The following ZNF723 variants were observed in gnomAD, a reference collection of about 807,000 sequenced individuals.
The protein encoded by ZNF723 is zinc finger protein 723, also known as zinc finger protein 723, pseudogene.
ZNF723 carries 5 observed loss-of-function variants against 9.4 expected under a neutral mutation model. That is an observed-to-expected ratio of 0.53 (90% confidence interval 0.28 to 1.12). The LOEUF is 1.12. Among genes scored for constraint, ZNF723 ranks in the 50% most tolerant of loss-of-function variants. The pLI, the probability that ZNF723 is intolerant of heterozygous loss-of-function variation, is 0.10. For missense variants in ZNF723, 450 were observed against 501.5 expected, an observed-to-expected ratio of 0.90 and a Z score of 0.98; for synonymous variants, 158 against 168.8, an observed-to-expected ratio of 0.94 and a Z score of 0.49.
chr19:22,849,890 G>A (rs1967368409), intron 3 of ZNF723, among the ~76,000 whole-genome samples: 1 of 152,018 alleles, frequency 6.6e-6, no homozygotes, highest in African/African-American at 2.4e-5. Context: ...GCTTGTGTGA[G>A]AAGAGTGAAA....
chr19:22,846,798 T>C (rs1326262708), intron 1 of ZNF723, among the ~76,000 whole-genome samples: 1 of 148,568 alleles, frequency 6.7e-6, no homozygotes, highest in African/African-American at 2.5e-5. Flanking sequence ...ATGGTTGCAT[T>C]CAGCCTATAA....
chr19:22,850,530 C>T (rs1967380212), intron 3 of ZNF723, among the ~76,000 whole-genome samples: 2 of 150,436 alleles, frequency 1.3e-5, no homozygotes, highest in Non-Finnish European at 3.0e-5. Context: ...TGGAGTTTTG[C>T]ACTTGCTGCC....
chr19:22,835,069 G>GTTTTTTTTTTT (rs57260930), intron 1 of ZNF723, among the ~76,000 whole-genome samples: 6 of 139,700 alleles, frequency 4.3e-5, no homozygotes, highest in South Asian at 2.3e-4. Flanking sequence ...TTTGTTGGTT[G>GTTTTTTTTTTT]TTTTTTTTTT....
chr19:22,822,501 C>G, the ZNF723 span, among the ~76,000 whole-genome samples: 8 of 152,298 alleles, frequency 5.3e-5, no homozygotes, highest in Admixed American at 5.2e-4. Flanking sequence ...TTGTAAAACT[C>G]ATGCATGTTG....
At position 22,849,225 on chromosome 19, in the gene ZNF723, T is replaced by G; in HGVS notation, c.158T>G (p.Ile53Ser). The G allele has an allele frequency of 1.6e-6, 1 of 643,904 alleles. No individual in the cohort carries two copies. The highest frequency in any genetic ancestry group is 2.8e-6 in the Non-Finnish European group (1 of 354,434). 39.9% of individuals were successfully genotyped at this position (643,904 alleles called of 1,614,324 possible). A position where few individuals can be genotyped will look rare whatever the true frequency, so the allele number is the denominator to read the frequency against. ...GTTGGTGTCTCTAAGCCAGATTTAA[T>G]CACCTGTCTGGAGCAAGGAAAAGAG... ...LGVGVSKPDL[I>S]TCLEQGKEPW... Residue 53 changes from isoleucine to serine, a missense_variant, in exon 3 of 4, where the codon ATC becomes AGC. By Grantham distance (142) the Ile-to-Ser change is moderately radical (BLOSUM62 -2). Coordinates refer to ENST00000600766, the MANE Select transcript of ZNF723 (RefSeq NM_001349726.2).
At chr19:22,813,781 G>T in the ZNF723 span, among the ~76,000 whole-genome samples, 3 of 151,460 alleles carry the variant, frequency 2.0e-5, no homozygotes, top group Non-Finnish European at 4.4e-5. Context: ...TATCATATGT[G>T]AGCATCTGGT....
chr19:22,832,778 G>A (rs1008748287), intron 1 of ZNF723, among the ~76,000 whole-genome samples: 20 of 152,122 alleles, frequency 1.3e-4, no homozygotes, highest in African/African-American at 4.8e-4. Flanking sequence ...AATATTTATG[G>A]GAGTCATCGC....
intron 1 of ZNF723, among the ~76,000 whole-genome samples, chr19:22,835,855 C>A (rs1967158453): frequency 6.6e-6 from 1 of 152,056 alleles, no homozygotes; most frequent in Admixed American, 6.6e-5. Context: ...AACTTGGTAC[C>A]TCTTAGGAAT....
chr19:22,854,897 A>G (rs1174838271), intron 3 of ZNF723, among the ~76,000 whole-genome samples: 1 of 151,928 alleles, frequency 6.6e-6, no homozygotes. Context: ...AAAATATGAA[A>G]GTTTCCAGGC....
chr19:22,851,276 A>G (rs552299876), intron 3 of ZNF723, among the ~76,000 whole-genome samples: 12 of 152,114 alleles, frequency 7.9e-5, no homozygotes, highest in African/African-American at 2.7e-4. Flanking sequence ...GGTTCAAGCA[A>G]TTCTCCTGCC....
the ZNF723 span, among the ~76,000 whole-genome samples, chr19:22,815,758 G>C: frequency 6.6e-6 from 1 of 152,236 alleles, no homozygotes; most frequent in Non-Finnish European, 1.5e-5. Flanking sequence ...GGCCATAAAG[G>C]ATTACTGTTC....
At chr19:22,854,657 A>G (rs1000751627) in intron 3 of ZNF723, among the ~76,000 whole-genome samples, 4 of 152,054 alleles carry the variant, frequency 2.6e-5, no homozygotes, top group African/African-American at 7.3e-5. Context: ...TCATCTAAAC[A>G]TATATTCTTT....
At chr19:22,815,966 G>A in the ZNF723 span, among the ~76,000 whole-genome samples, 1 of 152,176 alleles carries the variant, frequency 6.6e-6, no homozygotes, top group East Asian at 1.9e-4. Flanking sequence ...ACTGTCATAT[G>A]TGAACACCCA....
chr19:22,814,399 G>A, the ZNF723 span, among the ~76,000 whole-genome samples: 1 of 152,124 alleles, frequency 6.6e-6, no homozygotes, highest in Non-Finnish European at 1.5e-5. Flanking sequence ...ATATGAACAT[G>A]GCCCACTGTT....
At chr19:22,825,193 A>G in the ZNF723 span, among the ~76,000 whole-genome samples, 1 of 152,190 alleles carries the variant, frequency 6.6e-6, no homozygotes, top group Non-Finnish European at 1.5e-5. Flanking sequence ...CAGGTGGGGT[A>G]GTGACTCTTG....
At chr19:22,819,743 C>T in the ZNF723 span, among the ~76,000 whole-genome samples, 11 of 152,186 alleles carry the variant, frequency 7.2e-5, no homozygotes, top group Non-Finnish European at 1.5e-4. Context: ...GGTGTTGTAA[C>T]ATATTGCTGA....
At chr19:22,849,546 G>T (rs1204042313) in intron 3 of ZNF723, among the ~76,000 whole-genome samples, 1 of 152,088 alleles carries the variant, frequency 6.6e-6, no homozygotes, top group East Asian at 1.9e-4. Flanking sequence ...CTTCTTCATG[G>T]CATATAAGAG....
intron 1 of ZNF723, chr19:22,841,041 C>G (rs949155158): frequency 1.3e-5 from 2 of 152,260 alleles, no homozygotes; most frequent in African/African-American, 4.8e-5. Context: ...TAGTAGGCGT[C>G]AAGAGAGGAC....
chr19:22,835,787 T>G (rs902888727), intron 1 of ZNF723, among the ~76,000 whole-genome samples: 13 of 152,232 alleles, frequency 8.5e-5, no homozygotes, highest in Non-Finnish European at 1.8e-4. Flanking sequence ...AGTGAATATT[T>G]TTGTTCTATA....
Sources: allele counts gnomAD v4.1 joint callset (sites outside exome capture counted in the v4.1 genomes callset), GRCh38; gene constraint gnomAD v4.1.1; transcripts MANE v1.5; gene names NCBI Gene and HGNC (gene_info 2026-07-23, HGNC 2026-07-21).